PCSK2: variants seen among roughly 807,000 people sequenced by gnomAD.
The protein encoded by PCSK2 is neuroendocrine convertase 2.
PCSK2 carries 14 observed loss-of-function variants against 69.7 expected under a neutral mutation model. The observed-to-expected ratio is 0.20, with a 90% CI of 0.13 to 0.31. The LOEUF is 0.31. Ranked by LOEUF, PCSK2 falls within the 10% of genes least tolerant of loss-of-function variation. The probability of loss-of-function intolerance (pLI) is 1.00; values close to 1 mark genes in which losing one functional copy is unlikely to be tolerated. For missense variants in PCSK2, 544 were observed against 842.5 expected (o/e 0.65, Z 4.39); for synonymous variants, 307 against 320.7 (o/e 0.96, Z 0.46).
chr20:17,335,494 G>C lies in PCSK2; in HGVS notation c.283-22833G>C, dbSNP rs537734901. On this transcript the variant is annotated intron_variant, in intron 2 of 11. Coordinates refer to ENST00000262545, the MANE Select transcript of PCSK2 (RefSeq NM_002594.5). The stretch of plus-strand genomic sequence containing the variant: ...TCTAGTTTTTATTTGTTTGCTTGTG[G>C]GCTCTTTTATTTATTTCAGTAGGTT... Among the ~76,000 whole-genome samples, 6 of 129,552 alleles carry C rather than the reference G, an allele frequency of 4.6e-5. No individual in the cohort carries two copies. In the East Asian group the frequency reaches 1.4e-3, roughly 31 times the overall value. 85.0% of individuals were successfully genotyped at this position (129,552 alleles called of 152,430 possible). A position where few individuals can be genotyped will look rare whatever the true frequency, so the allele number is the denominator to read the frequency against.
At chr20:17,421,820 A>AAAG (rs2032135320) in intron 6 of PCSK2, among the ~76,000 whole-genome samples, 2 of 48,626 alleles carry the variant, frequency 4.1e-5, no homozygotes, top group Non-Finnish European at 5.0e-5. Context: ...AAAAAAAAAA[A>AAAG]AAAAAAAAAA....
In PCSK2 at chr20:17,282,803, A is replaced by G. The variant is rs541250107; in HGVS notation, c.282+22459A>G. 8.5e-5 allele frequency among the ~76,000 whole-genome samples: 13 copies of G among 152,112 alleles called. No individual in the cohort carries two copies. In the East Asian group the frequency reaches 2.5e-3, roughly 29 times the overall value. The stretch of plus-strand genomic sequence containing the variant: ...GGCTTTTCTCTTTGTAAATAAAGTG[A>G]CACCTTTTATCTTTTTTTCTGTTAA... On this transcript the variant is annotated intron_variant, in intron 2 of 11. Transcript: ENST00000262545.
At chr20:17,477,092 T>C (rs757393599) in intron 11 of PCSK2, among the ~76,000 whole-genome samples, 1 of 152,258 alleles carries the variant, frequency 6.6e-6, no homozygotes, top group Admixed American at 6.5e-5. Context: ...CTGCACTGTA[T>C]GTTTCAGCAA....
chr20:17,348,712 C>G (rs1490973457), intron 2 of PCSK2, among the ~76,000 whole-genome samples: 2 of 152,196 alleles, frequency 1.3e-5, no homozygotes, highest in Admixed American at 6.5e-5. Context: ...TTTCCTTGGC[C>G]TGTAGATGGC....
At chr20:17,470,952 G>C (rs190500011) in intron 11 of PCSK2, among the ~76,000 whole-genome samples, 1 of 152,202 alleles carries the variant, frequency 6.6e-6, no homozygotes, top group Non-Finnish European at 1.5e-5. Context: ...AGGCAGCACC[G>C]TTGCAGTATT....
At chr20:17,322,163 G>A (rs1456675000) in intron 2 of PCSK2, among the ~76,000 whole-genome samples, 1 of 152,156 alleles carries the variant, frequency 6.6e-6, no homozygotes, top group Non-Finnish European at 1.5e-5. Flanking sequence ...CCTGCAATAA[G>A]AGAGAACATT....
At chr20:17,390,072 AAAAC>A (rs2031334654) in intron 5 of PCSK2, among the ~76,000 whole-genome samples, 2 of 152,256 alleles carry the variant, frequency 1.3e-5, no homozygotes, top group African/African-American at 2.4e-5. Context: ...ATCCCACAAC[AAAAC>A]AAACAAACTG....
At position 17,261,643 on chromosome 20, in the gene PCSK2, A is replaced by G. The variant is rs572281629; in HGVS notation, c.282+1299A>G. On this transcript the variant is annotated intron_variant, in intron 2 of 11. Coordinates refer to ENST00000262545, the MANE Select transcript of PCSK2 (RefSeq NM_002594.5). ...ACCTAAGGGAGAAGCTCTCTATTCT[A>G]TGTGATAATAACCTTGGCCTTGGCT... Among the ~76,000 whole-genome samples, 9 of 152,276 alleles carry G rather than the reference A, an allele frequency of 5.9e-5. No homozygotes were observed. The South Asian group carries it at 1.9e-3, about 32-fold the overall frequency.
At chr20:17,460,610 G>A (rs1201403335) in intron 10 of PCSK2, among the ~76,000 whole-genome samples, 1 of 152,152 alleles carries the variant, frequency 6.6e-6, no homozygotes, top group African/African-American at 2.4e-5. Flanking sequence ...TCATCAATAA[G>A]GTTCCAATGA....
In PCSK2 at chr20:17,414,757, C is replaced by T. The variant is rs575671084; in HGVS notation, c.620+5418C>T. On this transcript the variant is annotated intron_variant, in intron 6 of 11. Transcript: ENST00000262545. The stretch of plus-strand genomic sequence containing the variant: ...AAAAAGAGAATTTTAGACCAATGTC[C>T]CTGATGAACATTGATGCAAAAATCC... 2.0e-5 allele frequency among the ~76,000 whole-genome samples: 3 copies of T among 152,288 alleles called. No homozygotes were observed. The East Asian group carries it at 5.8e-4, about 29-fold the overall frequency.
chr20:17,260,532 A>G (rs1346132949), intron 2 of PCSK2, among the ~76,000 whole-genome samples, 188 bp downstream of exon 2: 3 of 152,118 alleles, frequency 2.0e-5, no homozygotes, highest in African/African-American at 7.2e-5. Context: ...ATAAATAATC[A>G]CAGGCCCCTT....
chr20:17,343,460 T>C (rs1158802867), intron 2 of PCSK2, among the ~76,000 whole-genome samples: 4 of 152,220 alleles, frequency 2.6e-5, no homozygotes, highest in African/African-American at 9.6e-5. Context: ...ATATCTTCAG[T>C]AGAACTTGTC....
intron 1 of PCSK2, among the ~76,000 whole-genome samples, chr20:17,248,213 T>C (rs991406613): frequency 2.4e-4 from 35 of 144,552 alleles, no homozygotes; most frequent in Middle Eastern, 3.6e-3. Context: ...TGTGTGTGTG[T>C]GTTTCAATGA....
intron 1 of PCSK2, among the ~76,000 whole-genome samples, chr20:17,240,609 C>T (rs1176334549): frequency 6.6e-6 from 1 of 152,106 alleles, no homozygotes; most frequent in East Asian, 1.9e-4. Context: ...CACAGAGGAC[C>T]TAAAGTTACA....
chr20:17,360,804 T>C (rs1347388648), intron 4 of PCSK2, among the ~76,000 whole-genome samples, 164 bp downstream of exon 4: 1 of 152,226 alleles, frequency 6.6e-6, no homozygotes, highest in African/African-American at 2.4e-5. Context: ...TTTCTTCCAA[T>C]CAGTGGTCCT....
intron 6 of PCSK2, among the ~76,000 whole-genome samples, chr20:17,414,235 T>C (rs1044948771): frequency 6.6e-6 from 1 of 152,038 alleles, no homozygotes; most frequent in African/African-American, 2.4e-5. Context: ...AAAAAATCGA[T>C]GAATCCAGGA....
chr20:17,255,498 C>T (rs560312122), intron 1 of PCSK2, among the ~76,000 whole-genome samples: 35 of 152,158 alleles, frequency 2.3e-4, no homozygotes, highest in African/African-American at 7.5e-4. Context: ...CCTGCCACCA[C>T]GCCCAGCTAA....
chr20:17,434,804 A>T (rs887815683), intron 7 of PCSK2, among the ~76,000 whole-genome samples: 1 of 152,200 alleles, frequency 6.6e-6, no homozygotes, highest in Non-Finnish European at 1.5e-5. Context: ...GCATCTGAGC[A>T]AGTGAACGCC....
chr20:17,434,949 C>A (rs2032453284), intron 7 of PCSK2, among the ~76,000 whole-genome samples: 1 of 152,050 alleles, frequency 6.6e-6, no homozygotes, highest in Non-Finnish European at 1.5e-5. Flanking sequence ...CATAGGTGGA[C>A]CAAAAGCAAA....
Sources: gnomAD v4.1 joint callset for allele counts (sites outside exome capture counted in the v4.1 genomes callset) on GRCh38, gnomAD v4.1.1 for gene constraint, MANE v1.5 for transcripts, NCBI Gene and HGNC (gene_info 2026-07-23, HGNC 2026-07-21) for gene names.